The following TNS3 variants were observed in gnomAD, a reference collection of about 807,000 sequenced individuals.
TNS3 encodes the protein tensin 3.
Under a neutral mutation model 140.9 loss-of-function variants are expected in TNS3, and 45 were observed. The ratio of observed to expected loss-of-function variants is 0.32; its 90% confidence interval spans 0.25 to 0.41. The LOEUF (loss-of-function observed/expected upper bound fraction) is 0.41. Ranked by LOEUF, TNS3 falls within the 10% of genes least tolerant of loss-of-function variation. The pLI is 1.00. For missense variants in TNS3, 1,716 were observed against 1,906.7 expected (o/e 0.90, Z 1.86); for synonymous variants, 815 against 788.4 (o/e 1.03, Z -0.56).
At chr7:47,545,081 G>T (rs1413253936) in intron 1 of TNS3, among the ~76,000 whole-genome samples, 4 of 151,804 alleles carry the variant, frequency 2.6e-5, no homozygotes, top group African/African-American at 9.7e-5. Context: ...CACAGTTGTT[G>T]GTGTTGTGCC....
At chr7:47,302,150 C>A (rs186678834) in intron 23 of TNS3, 36 bp downstream of exon 23, 21,219 of 1,565,632 alleles carry the variant, frequency 0.014, 323 homozygotes, top group Admixed American at 0.062. Flanking sequence ...GGCACTAGGG[C>A]AGATGCCCAA....
intron 20 of TNS3, among the ~76,000 whole-genome samples, chr7:47,321,128 C>T (rs1787712355): frequency 6.6e-6 from 1 of 152,224 alleles, no homozygotes; most frequent in Non-Finnish European, 1.5e-5. Context: ...TCTCATGGGG[C>T]CCTGAGCCAG....
intron 20 of TNS3, among the ~76,000 whole-genome samples, chr7:47,340,098 T>C (rs926307743): frequency 3.3e-5 from 1 of 30,754 alleles, no homozygotes; most frequent in Non-Finnish European, 8.4e-5. Flanking sequence ...TATACATATA[T>C]ATATATATAT....
At chr7:47,533,134 T>A (rs1290731549) in intron 1 of TNS3, among the ~76,000 whole-genome samples, 345 of 118,252 alleles carry the variant, frequency 2.9e-3, no homozygotes, top group African/African-American at 6.6e-3. Context: ...TTTTTTTTTT[T>A]TTTTTTTTTT....
intron 20 of TNS3, among the ~76,000 whole-genome samples, chr7:47,340,115 A>ATATATATATATAT (rs1554297219): frequency 7.0e-5 from 2 of 28,578 alleles, no homozygotes; most frequent in African/African-American, 1.1e-4. Flanking sequence ...ATATATATAT[A>ATATATATATATAT]TTTTTTTTTT....
At chr7:47,305,895 G>C (rs933858734) in intron 20 of TNS3, among the ~76,000 whole-genome samples, 12 of 152,136 alleles carry the variant, frequency 7.9e-5, no homozygotes, top group African/African-American at 2.7e-4. Context: ...AATGAGGATT[G>C]ATAAGAGAAT....
intron 10 of TNS3, among the ~76,000 whole-genome samples, chr7:47,419,266 C>T (rs1794247647): frequency 6.6e-6 from 1 of 152,198 alleles, no homozygotes; most frequent in South Asian, 2.1e-4. Context: ...AGGGGATGTC[C>T]AGGCCCAGGC....
intron 16 of TNS3, among the ~76,000 whole-genome samples, chr7:47,379,272 C>T (rs910703539): frequency 2.0e-5 from 3 of 152,134 alleles, no homozygotes; most frequent in Admixed American, 6.5e-5. Context: ...TCTCAAGGGG[C>T]GTTGTATTAT....
At chr7:47,525,518 T>C (rs1008551449) in intron 2 of TNS3, among the ~76,000 whole-genome samples, 4 of 152,250 alleles carry the variant, frequency 2.6e-5, no homozygotes, top group Non-Finnish European at 5.9e-5. Context: ...GAACAAAAGC[T>C]GCTCCTGTGT....
intron 1 of TNS3, among the ~76,000 whole-genome samples, chr7:47,529,927 T>A (rs928574919): frequency 2.0e-5 from 3 of 152,246 alleles, no homozygotes; most frequent in Non-Finnish European, 4.4e-5. Context: ...CTGGAATAAT[T>A]AAATTTATTT....
intron 2 of TNS3, among the ~76,000 whole-genome samples, chr7:47,518,667 GA>G (rs1459106647): frequency 6.6e-6 from 1 of 152,100 alleles, no homozygotes; most frequent in Non-Finnish European, 1.5e-5. Flanking sequence ...ATCTCTACAA[GA>G]AAGAATATAA....
intron 20 of TNS3, among the ~76,000 whole-genome samples, chr7:47,305,254 C>T (rs1786679662): frequency 4.6e-5 from 7 of 152,226 alleles, no homozygotes; most frequent in Admixed American, 4.6e-4. Flanking sequence ...CAGTCCCCCA[C>T]AGTGTCCAGC....
chr7:47,447,065 C>CCATTTTG (rs368278327), intron 4 of TNS3, among the ~76,000 whole-genome samples: 43,634 of 151,468 alleles, frequency 0.29, 6,774 homozygotes, highest in Non-Finnish European at 0.35. Flanking sequence ...GCCCCATGGG[C>CCATTTTG]TCAATGAGGT....
chr7:47,489,366 G>C (rs1797728688), intron 3 of TNS3, among the ~76,000 whole-genome samples: 1 of 152,188 alleles, frequency 6.6e-6, no homozygotes, highest in South Asian at 2.1e-4. Context: ...TCTTGGCTTG[G>C]TCTCGGCTCT....
At position 47,389,083 on chromosome 7, in the gene TNS3, AGAG is replaced by A. The variant is rs1187219144; in HGVS notation, c.1024+7714_1024+7716del. On this transcript the variant is annotated intron_variant, in intron 16 of 30. Coordinates refer to ENST00000311160, the MANE Select transcript of TNS3 (RefSeq NM_022748.12). Reference sequence around the variant, plus strand: ...AAGAAGAAGAAGAAGAAGAAGAAGAAGAGGAAGAGGAAGAGGAAGCGGAAGCAG... The same window carrying A: ...AAGAAGAAGAAGAAGAAGAAGAAGAAGAAGAGGAAGAGGAAGCGGAAGCAG... Among the ~76,000 whole-genome samples, 67 of 71,594 alleles carry A rather than the reference AGAG, an allele frequency of 9.4e-4. 10 individuals carry two copies. The highest frequency in any genetic ancestry group is 6.7e-3 in the East Asian group (11 of 1,636). The allele number at this position is 71,594 out of a possible 152,430, so 47.0% of individuals were successfully genotyped here. A position where few individuals can be genotyped will look rare whatever the true frequency, so the allele number is the denominator to read the frequency against.
rs1554310453 is a variant in TNS3, at chr7:47,389,109, C to CGGAAGCAGAAGAAGAAGA, written c.1024+7690_1024+7691insTCTTCTTCTTCTGCTTCC. Among the ~76,000 whole-genome samples the CGGAAGCAGAAGAAGAAGA allele has an allele frequency of 1.2e-4, 7 of 59,140 alleles. 2 individuals carry two copies. In the South Asian group the frequency reaches 4.0e-3, roughly 34 times the overall value. The allele number at this position is 59,140 out of a possible 152,430, so 38.8% of individuals were successfully genotyped here. On this transcript the variant is annotated intron_variant, in intron 16 of 30. Transcript: ENST00000311160. The stretch of plus-strand genomic sequence containing the variant: ...GAGGAAGAGGAAGAGGAAGCGGAAG[C>CGGAAGCAGAAGAAGAAGA]AGAAGAAGAAGAAGAAGAAGAAGAA...
At chr7:47,343,934 G>A (rs1377294666) in intron 20 of TNS3, among the ~76,000 whole-genome samples, 1 of 152,156 alleles carries the variant, frequency 6.6e-6, no homozygotes, top group Non-Finnish European at 1.5e-5. Context: ...GGAGCTAGCT[G>A]TCATGATCAC....
At chr7:47,508,631 G>T (rs1798501439) in intron 2 of TNS3, among the ~76,000 whole-genome samples, 2 of 152,238 alleles carry the variant, frequency 1.3e-5, no homozygotes, top group Non-Finnish European at 2.9e-5. Flanking sequence ...CCTTCCAGAT[G>T]GCCTGGGTGA....
chr7:47,396,534 A>C, intron 16 of TNS3: 1 of 475,724 alleles, frequency 2.1e-6, no homozygotes, highest in African/African-American at 2.0e-5. Flanking sequence ...AGTTCAGGCC[A>C]AGGAGCTCCT....
Sources: allele counts gnomAD v4.1 joint callset (sites outside exome capture counted in the v4.1 genomes callset), GRCh38; gene constraint gnomAD v4.1.1; transcripts MANE v1.5; gene names NCBI Gene and HGNC (gene_info 2026-07-23, HGNC 2026-07-21).